The following ERCC8 variants were observed in gnomAD, a reference collection of about 807,000 sequenced individuals.
ERCC8 encodes the protein DNA excision repair protein ERCC-8.
ERCC8 carries 52 observed loss-of-function variants against 54.9 expected under a neutral mutation model. That is an observed-to-expected ratio of 0.95 (90% CI 0.76 to 1.19). The LOEUF is 1.19. Ranked by LOEUF, ERCC8 falls within the 50% of genes most tolerant of loss-of-function variation. The pLI, the probability that ERCC8 is intolerant of heterozygous loss-of-function variation, is 0.00. For synonymous variants in ERCC8, 146 were observed against 157.2 expected (o/e 0.93, Z 0.53); for missense variants, 514 against 466.1 (o/e 1.10, Z -0.95).
In ERCC8 at chr5:60,898,365, A is replaced by C; in HGVS notation, c.754T>G (p.Cys252Gly). ...AGGTGAAGTCCATCACTTGTAAAAC[A>C]TAAGCCATTAACTTTCCCATTATGA... Reference protein sequence around the residue: ...TAHNGKVNGLCFTSDGLHLLT... With the variant: ...TAHNGKVNGLGFTSDGLHLLT... The change falls in exon 9 of 12, where the codon TGT (cysteine) becomes GGT (glycine). Residue 252 changes from cysteine (C) to glycine (G), a missense_variant. Transcript: ENST00000676185. 6.2e-7 allele frequency: 1 copy of C among 1,613,718 alleles called. No individual in the cohort carries two copies. The highest frequency in any genetic ancestry group is 8.5e-7 in the Non-Finnish European group (1 of 1,179,706).
chr5:60,918,995 A>G (rs1749521907), intron 3 of ERCC8, among the ~76,000 whole-genome samples: 1 of 152,008 alleles, frequency 6.6e-6, no homozygotes, highest in African/African-American at 2.4e-5. Context: ...GTCCTGAAGG[A>G]TGCAGTATAT....
chr5:60,917,959 T>A, intron 4 of ERCC8: 1 of 285,696 alleles, frequency 3.5e-6, no homozygotes, highest in Admixed American at 4.7e-5. Flanking sequence ...GCATTTACTA[T>A]ATGCTATGTA....
chr5:60,927,735 G>A lies in ERCC8; in HGVS notation c.173+1129C>T, dbSNP rs4647067. 1.6e-4 allele frequency among the ~76,000 whole-genome samples: 24 copies of A among 152,248 alleles called. No homozygotes were observed. In the East Asian group the frequency reaches 4.2e-3, roughly 27 times the overall value. Reference sequence around the variant, plus strand: ...GCTCATGTCTGCATGTTTCATAAGTGAGTGCCCCCCCAGCTGTCCTTGAAT... The same window carrying A: ...GCTCATGTCTGCATGTTTCATAAGTAAGTGCCCCCCCAGCTGTCCTTGAAT... On this transcript the variant is annotated intron_variant, in intron 2 of 11. Transcript: ENST00000676185.
At chr5:60,933,106 TATTTA>T (rs924971875) in intron 1 of ERCC8, among the ~76,000 whole-genome samples, 3 of 152,164 alleles carry the variant, frequency 2.0e-5, no homozygotes, top group African/African-American at 4.8e-5. Flanking sequence ...CCAAATTTCC[TATTTA>T]ATTTCAGTTT....
At position 60,872,663 on chromosome 5, in the gene ERCC8, A is replaced by T. The variant is rs191326542; in HGVS notation, c.*1952T>A. On this transcript the variant is annotated 3_prime_UTR_variant, in exon 12 of 12. Transcript: ENST00000676185. ...AGTGTTGGCAAGGATGTGAAGAAAA[A>T]GGATTTCTTGCATTATTGTGAAGAA... Among the ~76,000 whole-genome samples the T allele has an allele frequency of 9.8e-4, 150 of 152,360 alleles. No individual in the cohort carries two copies. Among genetic ancestry groups the T allele is most frequent in the African/African-American group, 3.5e-3 (145 of 41,586 alleles).
intron 9 of ERCC8, among the ~76,000 whole-genome samples, chr5:60,891,382 A>G (rs1169216517): frequency 6.6e-6 from 1 of 152,190 alleles, no homozygotes; most frequent in Non-Finnish European, 1.5e-5. Context: ...AAATTAAAAA[A>G]ACGTAAGACA....
chr5:60,922,907 T>C (rs1462337154), intron 2 of ERCC8, among the ~76,000 whole-genome samples: 1 of 152,256 alleles, frequency 6.6e-6, no homozygotes, highest in East Asian at 1.9e-4. Flanking sequence ...TATTCTAGTT[T>C]GGAAATTCAG....
At chr5:60,934,356 A>G (rs936796517) in intron 1 of ERCC8, among the ~76,000 whole-genome samples, 2 of 152,128 alleles carry the variant, frequency 1.3e-5, no homozygotes, top group African/African-American at 4.8e-5. Flanking sequence ...GCATTTTGTC[A>G]TATTTGTTGG....
Position 60,892,068 on chromosome 5 carries a change from T to C in ERCC8, c.844-982A>G, listed in dbSNP as rs539796095. 4.8e-4 allele frequency: 257 copies of C among 530,788 alleles called. 4 individuals carry two copies. Among genetic ancestry groups the C allele is most frequent in the South Asian group, 3.4e-3 (242 of 71,370 alleles). The allele number at this position is 530,788 out of a possible 1,614,324, so 32.9% of individuals were successfully genotyped here. A position where few individuals can be genotyped will look rare whatever the true frequency, so the allele number is the denominator to read the frequency against. ...GGGAGGATGCTAGAGCCTGGCCCTG[T>C]TGTAGGGGGTCCATCTCCATGATCC... On this transcript the variant is annotated intron_variant, in intron 9 of 11. Coordinates refer to ENST00000676185, the MANE Select transcript of ERCC8 (RefSeq NM_000082.4).
chr5:60,922,803 G>A (rs936423897), intron 2 of ERCC8, among the ~76,000 whole-genome samples: 6 of 152,056 alleles, frequency 3.9e-5, no homozygotes, highest in Admixed American at 1.3e-4. Context: ...TCCTGTCTTC[G>A]CAGAGTTTAC....
intron 3 of ERCC8, among the ~76,000 whole-genome samples, chr5:60,920,913 T>G (rs568536220): frequency 6.6e-6 from 1 of 151,998 alleles, no homozygotes; most frequent in African/African-American, 2.4e-5. Context: ...TAAAAATGAA[T>G]TTAATTAATT....
At chr5:60,897,366 A>G (rs1748751354) in intron 9 of ERCC8, among the ~76,000 whole-genome samples, 1 of 152,010 alleles carries the variant, frequency 6.6e-6, no homozygotes, top group African/African-American at 2.4e-5. Context: ...TGCCTTTCAT[A>G]CTCTTGCTGA....
intron 10 of ERCC8, among the ~76,000 whole-genome samples, chr5:60,887,823 G>GA (rs983032385): frequency 2.0e-5 from 3 of 152,072 alleles, no homozygotes; most frequent in African/African-American, 7.2e-5. Flanking sequence ...GTCAGAGAAA[G>GA]AAAAAAATAG....
rs547033790 is a variant in ERCC8 at position 60,868,853 on chromosome 5, C to A, written c.*5762G>T. Among the ~76,000 whole-genome samples the A allele has an allele frequency of 1.9e-4, 29 of 152,280 alleles. 1 individual carries two copies. The highest frequency in any genetic ancestry group is 7.0e-4 in the African/African-American group (29 of 41,548). ...ACAGAAGAACTAGCACTATCCTGAG[C>A]CCTAGATTTAACCTTCCGATGTCCA... On this transcript the variant is annotated 3_prime_UTR_variant, in exon 12 of 12. Transcript: ENST00000676185.
At chr5:60,896,716 T>C (rs553909445) in intron 9 of ERCC8, among the ~76,000 whole-genome samples, 35 of 152,238 alleles carry the variant, frequency 2.3e-4, no homozygotes, top group African/African-American at 7.9e-4. Context: ...CACTGTAAAA[T>C]GTATTATCCA....
chr5:60,918,502 GAT>G, intron 3 of ERCC8, 114 bp from the exon 4 acceptor site: 1 of 855,310 alleles, frequency 1.2e-6, no homozygotes. Flanking sequence ...GCCAAACCGA[GAT>G]CACATGCCTG....
chr5:60,918,150 A>G, intron 4 of ERCC8, 115 bp downstream of exon 4: 1 of 832,074 alleles, frequency 1.2e-6, no homozygotes. Context: ...TAACCACTGT[A>G]CTGCTTTCAC....
chr5:60,921,164 T>C (rs995301442), intron 3 of ERCC8, among the ~76,000 whole-genome samples: 3 of 151,928 alleles, frequency 2.0e-5, no homozygotes, highest in African/African-American at 4.8e-5. Context: ...AATAAAATAA[T>C]GTGAAGCTGA....
chr5:60,887,547 C>T (rs755161772), intron 10 of ERCC8, 27 bp from the exon 11 acceptor site: 5 of 1,520,534 alleles, frequency 3.3e-6, no homozygotes, highest in South Asian at 2.2e-5. Context: ...AAAGATGATA[C>T]TGTGGATCAA....
Sources: allele counts gnomAD v4.1 joint callset (sites outside exome capture counted in the v4.1 genomes callset), GRCh38; gene constraint gnomAD v4.1.1; transcripts MANE v1.5; gene names NCBI Gene and HGNC (gene_info 2026-07-23, HGNC 2026-07-21).